PARD3: variants seen among roughly 807,000 people sequenced by gnomAD.
The protein encoded by PARD3 is partitioning defective 3 homolog.
Under a neutral mutation model 155.4 loss-of-function variants are expected in PARD3, and 75 were observed. That is an observed-to-expected ratio of 0.48 (90% CI 0.40 to 0.58). PARD3 has a LOEUF of 0.58. Among genes scored for constraint, PARD3 ranks in the 20% least tolerant of loss-of-function variants. PARD3 has a pLI of 0.00. For missense variants in PARD3, 1,642 were observed against 1,721.7 expected (o/e 0.95, Z 0.82); for synonymous variants, 576 against 610.5 (o/e 0.94, Z 0.83).
At chr10:34,455,354 G>A (rs7076826) in intron 4 of PARD3, among the ~76,000 whole-genome samples, 11,528 of 152,006 alleles carry the variant, frequency 0.076, 1,320 homozygotes, top group African/African-American at 0.25. Context: ...ACATTTTTCA[G>A]CTCTGCAATT....
intron 2 of PARD3, among the ~76,000 whole-genome samples, chr10:34,675,345 T>C (rs1275059944): frequency 6.6e-6 from 1 of 152,194 alleles, no homozygotes; most frequent in Non-Finnish European, 1.5e-5. Context: ...GTATACAGAT[T>C]CAGATATATA....
chr10:34,294,190 A>G (rs1160253128), intron 20 of PARD3, among the ~76,000 whole-genome samples: 1 of 152,252 alleles, frequency 6.6e-6, no homozygotes, highest in African/African-American at 2.4e-5. Flanking sequence ...GAGGTAGTAC[A>G]AACACACGCA....
chr10:34,672,934 T>C (rs562843778), intron 2 of PARD3, among the ~76,000 whole-genome samples: 4 of 152,350 alleles, frequency 2.6e-5, no homozygotes, highest in South Asian at 2.1e-4. Flanking sequence ...TCTTTCTTGA[T>C]TGAACTGTAT....
chr10:34,241,457 G>A (rs1331419208), intron 22 of PARD3, among the ~76,000 whole-genome samples: 1 of 152,090 alleles, frequency 6.6e-6, no homozygotes, highest in Non-Finnish European at 1.5e-5. Context: ...GAGGGCACAG[G>A]GTGTCTAGTG....
intron 22 of PARD3, among the ~76,000 whole-genome samples, chr10:34,231,555 T>C (rs955434877): frequency 6.6e-6 from 1 of 152,044 alleles, no homozygotes; most frequent in African/African-American, 2.4e-5. Context: ...ATGAGGCAAA[T>C]GTCTTCTCTT....
chr10:34,397,586 G>A (rs1843459578), intron 7 of PARD3, among the ~76,000 whole-genome samples: 1 of 152,156 alleles, frequency 6.6e-6, no homozygotes, highest in Non-Finnish European at 1.5e-5. Context: ...AACTGTGGTG[G>A]ATTTTGTGAA....
At chr10:34,218,130 G>A (rs1588810032) in intron 22 of PARD3, among the ~76,000 whole-genome samples, 1 of 152,266 alleles carries the variant, frequency 6.6e-6, no homozygotes, top group Middle Eastern at 3.4e-3. Context: ...ATGCACACCT[G>A]ACTGTTGGTC....
At chr10:34,256,983 C>T (rs1954685459) in intron 22 of PARD3, among the ~76,000 whole-genome samples, 1 of 152,170 alleles carries the variant, frequency 6.6e-6, no homozygotes, top group Admixed American at 6.6e-5. Flanking sequence ...TCTCAACTTG[C>T]TTGATTGGAA....
chr10:34,579,797 G>C (rs571858059), intron 2 of PARD3, among the ~76,000 whole-genome samples: 399 of 149,940 alleles, frequency 2.7e-3, no homozygotes, highest in African/African-American at 9.1e-3. Flanking sequence ...GGCTGGTCTC[G>C]AACTCCTGAC....
At chr10:34,375,216 A>G (rs1841106879) in intron 10 of PARD3, among the ~76,000 whole-genome samples, 1 of 152,158 alleles carries the variant, frequency 6.6e-6, no homozygotes, top group Non-Finnish European at 1.5e-5. Flanking sequence ...TCTAGAAGAG[A>G]GGAAGTGGTC....
Position 34,601,970 on chromosome 10 carries a change from T to A in PARD3, c.223-84811A>T, listed in dbSNP as rs138361747. Among the ~76,000 whole-genome samples the A allele has an allele frequency of 4.5e-4, 68 of 152,338 alleles. No homozygotes were observed. In the East Asian group the frequency reaches 5.0e-3, roughly 11 times the overall value. On this transcript the variant is annotated intron_variant, in intron 2 of 24. Transcript: ENST00000374788. Reference sequence around the variant, plus strand: ...CTCAGGCAAAATTATCTTTTATCTGTAAGACGTTTCCTAATTACTTGTATA... The same window carrying A: ...CTCAGGCAAAATTATCTTTTATCTGAAAGACGTTTCCTAATTACTTGTATA...
chr10:34,591,531 A>C (rs2088678025), intron 2 of PARD3, among the ~76,000 whole-genome samples: 1 of 152,190 alleles, frequency 6.6e-6, no homozygotes, highest in African/African-American at 2.4e-5. Context: ...GTAATATCAT[A>C]TAGTAAAGTA....
In PARD3 at chr10:34,734,322, C is replaced by CTTTTTTTTT. The variant is rs142307338; in HGVS notation, c.121-37912_121-37904dup. On this transcript the variant is annotated intron_variant, in intron 1 of 24. Transcript: ENST00000374788. ...ACACATATAACAAATATATGGGGCC[C>CTTTTTTTTT]TTTTTTTTTTTTTTTTTTTTTTTTT... is the stretch of plus-strand genomic sequence containing the variant. 1.9e-4 allele frequency among the ~76,000 whole-genome samples: 13 copies of CTTTTTTTTT among 68,008 alleles called. 1 individual carries two copies. The highest frequency in any genetic ancestry group is 7.8e-4 in the African/African-American group (13 of 16,704). The allele number at this position is 68,008 out of a possible 152,430, so 44.6% of individuals were successfully genotyped here. A position where few individuals can be genotyped will look rare whatever the true frequency, so the allele number is the denominator to read the frequency against.
chr10:34,389,370 GATTGCACCACTAC>G (rs1358560184), intron 7 of PARD3, among the ~76,000 whole-genome samples: 3 of 151,618 alleles, frequency 2.0e-5, no homozygotes, highest in Non-Finnish European at 4.4e-5. Flanking sequence ...TTATATTAAG[GATTGCACCACTAC>G]ATTTTTACAA....
intron 2 of PARD3, among the ~76,000 whole-genome samples, chr10:34,647,387 G>C (rs529129851): frequency 3.3e-5 from 5 of 152,292 alleles, no homozygotes; most frequent in African/African-American, 1.2e-4. Context: ...CAAAGTGTCC[G>C]TTTTGCACGG....
intron 2 of PARD3, among the ~76,000 whole-genome samples, chr10:34,663,407 AGT>A (rs1350123648): frequency 7.2e-5 from 11 of 152,166 alleles, no homozygotes; most frequent in Admixed American, 4.6e-4. Flanking sequence ...CGGAGATTGC[AGT>A]GAGAGGAGAT....
At chr10:34,507,550 A>AAAAAAAAAAACC (rs549652757) in intron 3 of PARD3, among the ~76,000 whole-genome samples, 1 of 129,226 alleles carries the variant, frequency 7.7e-6, no homozygotes, top group African/African-American at 3.6e-5. Context: ...TAAAAAAACA[A>AAAAAAAAAAACC]AAAAAAAAAA....
chr10:34,413,954 C>T (rs555025090), intron 5 of PARD3, among the ~76,000 whole-genome samples: 6 of 152,158 alleles, frequency 3.9e-5, no homozygotes, highest in Admixed American at 6.5e-5. Context: ...TAATAGTTAA[C>T]GATCTCATTT....
intron 24 of PARD3, among the ~76,000 whole-genome samples, chr10:34,118,155 G>C (rs1424713788): frequency 6.6e-6 from 1 of 152,004 alleles, no homozygotes; most frequent in Non-Finnish European, 1.5e-5. Flanking sequence ...CCTCTTTAAA[G>C]GAAAAAATAA....
Sources: allele counts gnomAD v4.1 joint callset (sites outside exome capture counted in the v4.1 genomes callset), GRCh38; gene constraint gnomAD v4.1.1; transcripts MANE v1.5; gene names NCBI Gene and HGNC (gene_info 2026-07-23, HGNC 2026-07-21).